Variants in CERS3 observed in about 807,000 individuals in gnomAD.
CERS3 encodes ceramide synthase 3.
A neutral mutation model predicts 50.3 loss-of-function variants in CERS3; 33 were observed. The observed-to-expected ratio is 0.66, with a 90% CI of 0.50 to 0.88. The LOEUF (loss-of-function observed/expected upper bound fraction) is 0.88. Among genes scored for constraint, CERS3 ranks in the 40% least tolerant of loss-of-function variants. The probability of loss-of-function intolerance (pLI) is 0.00; values close to 1 mark genes in which losing one functional copy is unlikely to be tolerated. For synonymous variants in CERS3, 176 were observed against 155.2 expected (o/e 1.13, Z -0.99); for missense variants, 470 against 460.3 (o/e 1.02, Z -0.19).
At chr15:100,498,097 T>C (rs897567039) in intron 3 of CERS3, among the ~76,000 whole-genome samples, 5 of 152,106 alleles carry the variant, frequency 3.3e-5, no homozygotes, top group Non-Finnish European at 5.9e-5. Context: ...GGTTTCACTA[T>C]GTTGGCCAGG....
Position 100,480,014 on chromosome 15 carries a change from A to G in CERS3, c.440T>C (p.Val147Ala), listed in dbSNP as rs761428245. Residue 147 changes from valine to alanine, a missense_variant, in exon 6 of 12, where the codon GTT (valine) becomes GCT (alanine). By Grantham distance (64) the Val-to-Ala change is moderately conservative. Transcript: ENST00000679737. ...WRFAFYLMITVAGIAFLYDKP... is the reference protein window; with the variant it reads ...WRFAFYLMITAAGIAFLYDKP... ...ATCATAAAGAAACGCAATTCCAGCA[A>G]CAGTGATCATTAAGTAAAATGCAAA... 1.9e-6 allele frequency: 3 copies of G among 1,611,504 alleles called. No homozygotes were observed. The highest frequency in any genetic ancestry group is 1.3e-5 in the African/African-American group (1 of 74,840).
intron 10 of CERS3, among the ~76,000 whole-genome samples, chr15:100,460,956 T>C (rs561421356): frequency 6.6e-6 from 1 of 151,986 alleles, no homozygotes; most frequent in Non-Finnish European, 1.5e-5. Flanking sequence ...TCATGGAAAA[T>C]TCGAGGAGCT....
chr15:100,488,782 G>GTTT (rs34460232), intron 4 of CERS3, among the ~76,000 whole-genome samples: 12 of 144,974 alleles, frequency 8.3e-5, no homozygotes, highest in African/African-American at 2.0e-4. Flanking sequence ...ATATATAACT[G>GTTT]TTTTTTTTTT....
chr15:100,524,133 C>G (rs2036718751), intron 1 of CERS3, among the ~76,000 whole-genome samples: 1 of 151,958 alleles, frequency 6.6e-6, no homozygotes. Flanking sequence ...GTATTGAGAA[C>G]CACTACCAGT....
chr15:100,459,211 T>C (rs1389411708), intron 10 of CERS3, among the ~76,000 whole-genome samples: 3 of 152,144 alleles, frequency 2.0e-5, no homozygotes, highest in Non-Finnish European at 2.9e-5. Flanking sequence ...AGATATATCA[T>C]AATTTAACTA....
chr15:100,442,992 G>A (rs1180908756), intron 11 of CERS3, among the ~76,000 whole-genome samples: 1 of 151,514 alleles, frequency 6.6e-6, no homozygotes, highest in Non-Finnish European at 1.5e-5. Flanking sequence ...TGCCAACTTA[G>A]ACAATACTCT....
At chr15:100,496,087 C>T (rs562646567) in intron 3 of CERS3, among the ~76,000 whole-genome samples, 11 of 152,194 alleles carry the variant, frequency 7.2e-5, no homozygotes, top group East Asian at 1.9e-4. Flanking sequence ...ACTCATGTCA[C>T]GGCATGTATT....
chr15:100,405,747 G>C (rs574615939), intron 11 of CERS3, among the ~76,000 whole-genome samples: 1 of 152,144 alleles, frequency 6.6e-6, no homozygotes, highest in African/African-American at 2.4e-5. Flanking sequence ...TGATTATGGG[G>C]ATGGCTGCAC....
At chr15:100,439,263 G>A (rs1340597527) in intron 11 of CERS3, among the ~76,000 whole-genome samples, 2 of 152,152 alleles carry the variant, frequency 1.3e-5, no homozygotes, top group Non-Finnish European at 2.9e-5. Context: ...AATAAGATGT[G>A]ACTATTACCA....
chr15:100,492,105 G>T (rs946665691), intron 3 of CERS3, among the ~76,000 whole-genome samples: 1 of 152,224 alleles, frequency 6.6e-6, no homozygotes, highest in Admixed American at 6.5e-5. Flanking sequence ...ATTGAGACTT[G>T]TTTTGTAGCC....
intron 11 of CERS3, among the ~76,000 whole-genome samples, chr15:100,407,462 G>T (rs59297731): frequency 2.6e-5 from 4 of 152,220 alleles, no homozygotes; most frequent in African/African-American, 9.7e-5. Context: ...CACATGTCCC[G>T]TCAGGCATGC....
In CERS3 at chr15:100,466,808, C is replaced by T. The variant is rs771079281; in HGVS notation, c.845+2570G>A. On this transcript the variant is annotated intron_variant, in intron 10 of 11. Transcript: ENST00000679737. The stretch of plus-strand genomic sequence containing the variant: ...TCCTTCCTTCCTCCCTCCCTCCCTC[C>T]CTCCCTCCCTCTCTCCCTCTCTCCC... Among the ~76,000 whole-genome samples the T allele has an allele frequency of 1.0e-3, 21 of 21,050 alleles. 4 individuals are homozygous for T. The highest frequency in any genetic ancestry group is 5.3e-3 in the South Asian group (2 of 378). The allele number at this position is 21,050 out of a possible 152,430, so 13.8% of individuals were successfully genotyped here.
intron 11 of CERS3, among the ~76,000 whole-genome samples, chr15:100,409,992 G>A (rs2031352239): frequency 6.6e-6 from 1 of 152,128 alleles, no homozygotes. Context: ...ACTCCCCCTT[G>A]GGAAGGTTTT....
intron 2 of CERS3, among the ~76,000 whole-genome samples, chr15:100,520,969 T>G (rs1381023340): frequency 2.6e-5 from 4 of 152,286 alleles, no homozygotes; most frequent in African/African-American, 9.6e-5. Context: ...CGAACAACTG[T>G]ACATACCACA....
intron 11 of CERS3, 150 bp downstream of exon 11, chr15:100,455,743 C>G (rs933763549): frequency 3.3e-5 from 16 of 484,844 alleles, no homozygotes; most frequent in Non-Finnish European, 4.9e-5. Context: ...AAATCTAGCT[C>G]TATTTTTCCA....
At chr15:100,529,495 A>G (rs550666408), upstream of CERS3, among the ~76,000 whole-genome samples, 8 of 152,254 alleles carry the variant, frequency 5.3e-5, no homozygotes, top group Non-Finnish European at 1.0e-4. Context: ...ACAGTCAGAT[A>G]TAATTCGCAT....
intron 11 of CERS3, among the ~76,000 whole-genome samples, chr15:100,425,401 C>G (rs2032749226): frequency 6.6e-6 from 1 of 152,202 alleles, no homozygotes; most frequent in Non-Finnish European, 1.5e-5. Context: ...GCCTTAGGAG[C>G]CCACCCCTAG....
intron 1 of CERS3, among the ~76,000 whole-genome samples, chr15:100,542,655 C>G (rs2037228887): frequency 6.6e-6 from 1 of 152,138 alleles, no homozygotes. Context: ...ATAATTATTA[C>G]TACCATAGGG....
intron 11 of CERS3, among the ~76,000 whole-genome samples, chr15:100,443,168 C>T (rs1342828536): frequency 6.7e-6 from 1 of 150,242 alleles, no homozygotes; most frequent in Non-Finnish European, 1.5e-5. Context: ...TCTTGTATCC[C>T]CCTACCTTAA....
Sources: allele counts gnomAD v4.1 joint callset (sites outside exome capture counted in the v4.1 genomes callset), GRCh38; gene constraint gnomAD v4.1.1; transcripts MANE v1.5; gene names NCBI Gene and HGNC (gene_info 2026-07-23, HGNC 2026-07-21).